Variants in ITGA1 observed in about 807,000 individuals in gnomAD.
The protein encoded by ITGA1 is integrin alpha-1.
In ITGA1, 85 loss-of-function variants were observed where a neutral mutation model predicts 145.9. That is an observed-to-expected ratio of 0.58 (90% CI 0.49 to 0.70). The LOEUF is 0.70. Among genes scored for constraint, ITGA1 ranks in the 30% least tolerant of loss-of-function variants. The pLI is 0.00. For missense variants in ITGA1, 1,351 were observed against 1,418.7 expected (o/e 0.95, Z 0.77); for synonymous variants, 520 against 495.3 (o/e 1.05, Z -0.66).
intron 2 of ITGA1, among the ~76,000 whole-genome samples, chr5:52,853,704 G>T (rs1237508245): frequency 3.3e-5 from 5 of 152,164 alleles, no homozygotes; most frequent in African/African-American, 1.2e-4. Context: ...TTGCTCAGAA[G>T]CCACATGCTT....
intron 1 of ITGA1, among the ~76,000 whole-genome samples, chr5:52,819,533 G>C (rs1748833441): frequency 6.6e-6 from 1 of 151,762 alleles, no homozygotes; most frequent in African/African-American, 2.4e-5. Flanking sequence ...GTTCATTATA[G>C]ATTCTGGATA....
chr5:52,909,152 T>A, intron 13 of ITGA1, 111 bp downstream of exon 13: 2 of 1,159,802 alleles, frequency 1.7e-6, no homozygotes, highest in Non-Finnish European at 2.4e-6. Context: ...GCAAAGAAGC[T>A]ATCAGGATTC....
intron 6 of ITGA1, among the ~76,000 whole-genome samples, chr5:52,867,583 T>A (rs1251183225): frequency 6.6e-6 from 1 of 152,088 alleles, no homozygotes; most frequent in Non-Finnish European, 1.5e-5. Flanking sequence ...TTCTGGCACC[T>A]GTTCCTCATG....
At chr5:52,810,070 G>A (rs1353663976) in intron 1 of ITGA1, among the ~76,000 whole-genome samples, 1 of 152,204 alleles carries the variant, frequency 6.6e-6, no homozygotes, top group Non-Finnish European at 1.5e-5. Context: ...ACATGACTAA[G>A]CACTGACTGG....
chr5:52,898,425 C>A, intron 11 of ITGA1, 42 bp downstream of exon 11: 1 of 1,486,380 alleles, frequency 6.7e-7, no homozygotes, highest in Non-Finnish European at 9.1e-7. Context: ...TTTTACTTTT[C>A]CATTTTTTAC....
At position 52,908,884 on chromosome 5, in the gene ITGA1, A is replaced by G; in HGVS notation, c.1456-14A>G. ...GTTGTTCATTGGGCTGTTTTGTTTC[A>G]TTTTGTGTCCTAGATTGGTTCCTAC... is the stretch of plus-strand genomic sequence containing the variant. On this transcript the variant is annotated splice_polypyrimidine_tract_variant and intron_variant, in intron 12 of 28. Coordinates refer to ENST00000282588, the MANE Select transcript of ITGA1 (RefSeq NM_181501.2). 1 of 1,612,226 alleles carries G rather than the reference A, an allele frequency of 6.2e-7. No homozygotes were observed. Among genetic ancestry groups the G allele is most frequent in the Non-Finnish European group, 8.5e-7 (1 of 1,179,216 alleles).
chr5:52,894,418 T>C (rs1318817465), intron 9 of ITGA1, among the ~76,000 whole-genome samples: 1 of 152,170 alleles, frequency 6.6e-6, no homozygotes, highest in African/African-American at 2.4e-5. Context: ...TTTTCAATGG[T>C]GACTGGCTGT....
chr5:52,869,928 C>T (rs1749753418), intron 6 of ITGA1, among the ~76,000 whole-genome samples: 1 of 151,958 alleles, frequency 6.6e-6, no homozygotes, highest in Non-Finnish European at 1.5e-5. Context: ...CAAGCCATTG[C>T]TTTTGCTAAA....
At chr5:52,866,432 G>T (rs1749689355) in intron 6 of ITGA1, among the ~76,000 whole-genome samples, 1 of 152,146 alleles carries the variant, frequency 6.6e-6, no homozygotes, top group South Asian at 2.1e-4. Context: ...ACTTAAAATG[G>T]ATATAGCCAC....
At chr5:52,800,515 G>A in intron 1 of ITGA1, 1 of 1,614,104 alleles carries the variant, frequency 6.2e-7, no homozygotes, top group Non-Finnish European at 8.5e-7. Context: ...CAGCCTGCGC[G>A]CCTCCACCAT....
At chr5:52,927,783 T>A (rs1024572379) in intron 20 of ITGA1, 119 bp downstream of exon 20, 2 of 682,734 alleles carry the variant, frequency 2.9e-6, no homozygotes, top group African/African-American at 3.6e-5. Flanking sequence ...AATGTTCAGT[T>A]CAAAATTGTG....
chr5:52,853,407 T>G (rs1240521449), intron 2 of ITGA1, among the ~76,000 whole-genome samples: 5 of 152,142 alleles, frequency 3.3e-5, no homozygotes, highest in Non-Finnish European at 7.4e-5. Flanking sequence ...GGAACATGGA[T>G]TTTGTTATTT....
At chr5:52,807,765 C>T (rs187328447) in intron 1 of ITGA1, among the ~76,000 whole-genome samples, 6 of 152,274 alleles carry the variant, frequency 3.9e-5, no homozygotes, top group Non-Finnish European at 7.4e-5. Context: ...TTAAAGCAAT[C>T]CCCTCAAGCA....
At chr5:52,871,480 C>A (rs372918984) in intron 6 of ITGA1, among the ~76,000 whole-genome samples, 2 of 151,864 alleles carry the variant, frequency 1.3e-5, no homozygotes, top group Non-Finnish European at 2.9e-5. Context: ...ACATTTGGTA[C>A]AATAGATATA....
intron 1 of ITGA1, chr5:52,800,205 G>A (rs1393744746): frequency 1.6e-6 from 1 of 610,544 alleles, no homozygotes; most frequent in Non-Finnish European, 2.9e-6. Context: ...GACTGAGAGA[G>A]GAAAGGATAG....
At chr5:52,919,793 GATTTC>G (rs1750704638) in intron 16 of ITGA1, among the ~76,000 whole-genome samples, 2 of 152,068 alleles carry the variant, frequency 1.3e-5, no homozygotes, top group South Asian at 4.2e-4. Flanking sequence ...TACAGTGTAA[GATTTC>G]ATTTATTTTC....
At position 52,956,714 on chromosome 5, in the gene ITGA1, C is replaced by T. The variant is rs1375181946; in HGVS notation, c.*4263C>T. On this transcript the variant is annotated 3_prime_UTR_variant, in exon 29 of 29. Transcript: ENST00000282588. ...CTCTTCAATGGCCCTCCAAATGCAC[C>T]CAACAATCGCCAACCTCACCCATGG... 8 of 152,194 alleles carry T rather than the reference C, an allele frequency of 5.3e-5. No individual in the cohort carries two copies. Among genetic ancestry groups the T allele is most frequent in the Non-Finnish European group, 2.9e-5 (2 of 68,066 alleles). 9.4% of individuals were successfully genotyped at this position (152,194 alleles called of 1,614,324 possible). A position where few individuals can be genotyped will look rare whatever the true frequency, so the allele number is the denominator to read the frequency against.
At chr5:52,909,089 T>G in intron 13 of ITGA1, 48 bp downstream of exon 13, 1 of 1,554,806 alleles carries the variant, frequency 6.4e-7, no homozygotes, top group Non-Finnish European at 8.7e-7. Context: ...CTCTTCCTTC[T>G]CTTCATTTTT....
intron 1 of ITGA1, among the ~76,000 whole-genome samples, chr5:52,836,998 C>T (rs1749171352): frequency 6.6e-6 from 1 of 152,126 alleles, no homozygotes; most frequent in African/African-American, 2.4e-5. Flanking sequence ...GTGCCCTCTA[C>T]CCAGCTTTGC....
Sources: gnomAD v4.1 joint callset for allele counts (sites outside exome capture counted in the v4.1 genomes callset) on GRCh38, gnomAD v4.1.1 for gene constraint, MANE v1.5 for transcripts, NCBI Gene and HGNC (gene_info 2026-07-23, HGNC 2026-07-21) for gene names.